Variants in CAB39 observed in about 807,000 individuals in gnomAD.
CAB39 encodes calcium-binding protein 39.
Under a neutral mutation model 40.0 loss-of-function variants are expected in CAB39, and 8 were observed. The ratio of observed to expected loss-of-function variants is 0.20; its 90% CI spans 0.12 to 0.36. The LOEUF (loss-of-function observed/expected upper bound fraction) is 0.36. Among genes scored for constraint, CAB39 ranks in the 10% least tolerant of loss-of-function variants. CAB39 has a pLI of 1.00. For synonymous variants in CAB39, 156 were observed against 141.6 expected, an observed-to-expected ratio of 1.10 and a Z score of -0.72; for missense variants, 270 against 401.1, an observed-to-expected ratio of 0.67 and a Z score of 2.79.
intron 6 of CAB39, among the ~76,000 whole-genome samples, chr2:230,810,957 G>A (rs982178602): frequency 6.6e-6 from 1 of 152,108 alleles, no homozygotes; most frequent in Non-Finnish European, 1.5e-5. Context: ...CCCTAGACCC[G>A]CACAACTGCC....
At chr2:230,798,996 C>G in intron 5 of CAB39, 99 bp downstream of exon 5, 1 of 815,320 alleles carries the variant, frequency 1.2e-6, no homozygotes, top group East Asian at 2.8e-5. Flanking sequence ...TGGCTGCCCT[C>G]TAGTGGGAAG....
chr2:230,779,642 A>G (rs1482878233), intron 2 of CAB39, among the ~76,000 whole-genome samples: 1 of 152,244 alleles, frequency 6.6e-6, no homozygotes, highest in South Asian at 2.1e-4. Context: ...CTTCCCAGAC[A>G]ATTCAGTCAG....
chr2:230,792,438 A>T (rs1695908226), intron 3 of CAB39, among the ~76,000 whole-genome samples: 1 of 152,196 alleles, frequency 6.6e-6, no homozygotes, highest in South Asian at 2.1e-4. Flanking sequence ...TGGTTTAGGT[A>T]TACCCTGGAA....
At chr2:230,755,847 A>G (rs1695179134) in intron 1 of CAB39, among the ~76,000 whole-genome samples, 1 of 152,206 alleles carries the variant, frequency 6.6e-6, no homozygotes, top group African/African-American at 2.4e-5. Context: ...GTGGATTGTT[A>G]TGGTGAAATA....
intron 8 of CAB39, among the ~76,000 whole-genome samples, 154 bp from the exon 9 acceptor site, chr2:230,818,362 G>A (rs1217071048): frequency 6.6e-6 from 1 of 151,934 alleles, no homozygotes; most frequent in South Asian, 2.1e-4. Flanking sequence ...TTTCCAAATT[G>A]TAAAATAACG....
intron 2 of CAB39, among the ~76,000 whole-genome samples, chr2:230,768,447 T>A (rs1695427667): frequency 6.6e-6 from 1 of 152,208 alleles, no homozygotes; most frequent in Non-Finnish European, 1.5e-5. Flanking sequence ...TTTTCCCTAT[T>A]AGATAAATAA....
At chr2:230,756,316 T>G (rs1466384803) in intron 1 of CAB39, among the ~76,000 whole-genome samples, 2 of 152,246 alleles carry the variant, frequency 1.3e-5, no homozygotes, top group Non-Finnish European at 1.5e-5. Context: ...CTGTACAGCA[T>G]GTTACTGTGT....
chr2:230,756,192 A>G (rs953036917), intron 1 of CAB39, among the ~76,000 whole-genome samples: 2 of 152,240 alleles, frequency 1.3e-5, no homozygotes, highest in African/African-American at 4.8e-5. Flanking sequence ...TGCATCAGGC[A>G]GTTTTGTCAT....
At chr2:230,794,593 T>G (rs1305454495) in intron 4 of CAB39, among the ~76,000 whole-genome samples, 1 of 152,138 alleles carries the variant, frequency 6.6e-6, no homozygotes, top group Non-Finnish European at 1.5e-5. Context: ...TGAGATACAA[T>G]TTACAGTTTA....
Position 230,818,908 on chromosome 2 carries a change from C to G in CAB39, c.*204C>G. On this transcript the variant is annotated 3_prime_UTR_variant, in exon 9 of 9. Transcript: ENST00000258418. Reference sequence around the variant, plus strand: ...ACACTAGGGCACATGTGGGCTTTCTCTTGATCTTTGTGTCATTTCAGAATT... The same window carrying G: ...ACACTAGGGCACATGTGGGCTTTCTGTTGATCTTTGTGTCATTTCAGAATT... 4.0e-6 allele frequency: 2 copies of G among 495,480 alleles called. No homozygotes were observed. Among genetic ancestry groups the G allele is most frequent in the Non-Finnish European group, 7.3e-6 (2 of 274,208 alleles). The allele number at this position is 495,480 out of a possible 1,614,324, so 30.7% of individuals were successfully genotyped here.
At chr2:230,761,490 T>C (rs1004292203) in intron 2 of CAB39, among the ~76,000 whole-genome samples, 3 of 152,140 alleles carry the variant, frequency 2.0e-5, no homozygotes, top group Non-Finnish European at 4.4e-5. Flanking sequence ...GTTGTATCAC[T>C]TGTATCTGTT....
chr2:230,807,241 T>G (rs975192104), intron 5 of CAB39, among the ~76,000 whole-genome samples: 11 of 152,066 alleles, frequency 7.2e-5, no homozygotes, highest in Non-Finnish European at 1.3e-4. Flanking sequence ...CACCCCAGTT[T>G]GAGCTGTCCG....
In CAB39 at chr2:230,818,517, T is replaced by C. The variant is rs1482315701; in HGVS notation, c.839T>C (p.Val280Ala). 1.2e-6 allele frequency: 2 copies of C among 1,613,300 alleles called. No individual in the cohort carries two copies. The highest frequency in any genetic ancestry group is 1.3e-5 in the African/African-American group (1 of 74,904). Residue 280 changes from valine (V) to alanine (A), a missense_variant and splice_region_variant, in exon 9 of 9, where the codon GTG (valine) becomes GCG (alanine). Coordinates refer to ENST00000258418, the MANE Select transcript of CAB39 (RefSeq NM_016289.4). ...IQFEAFHVFKVFVANPNKTQP... is the reference protein window; with the variant it reads ...IQFEAFHVFKAFVANPNKTQP... ...TCATGTGCGTTTCTCTCCACGCAGG[T>C]GTTTGTAGCCAATCCTAACAAGACG...
At chr2:230,727,363 C>CGTGTGTGTGTGTGTGTGTGTGTGT (rs10542723) in intron 1 of CAB39, among the ~76,000 whole-genome samples, 4 of 126,948 alleles carry the variant, frequency 3.2e-5, no homozygotes, top group African/African-American at 9.6e-5. Context: ...GATTGTTAAC[C>CGTGTGTGTGTGTGTGTGTGTGTGT]GTGTGTGTGT....
At chr2:230,713,623 C>T (rs914618174) in intron 1 of CAB39, 1 of 152,318 alleles carries the variant, frequency 6.6e-6, no homozygotes, top group Non-Finnish European at 1.5e-5. Context: ...TCGCTCCCGC[C>T]CCTGGTAAAC....
At chr2:230,751,094 T>C (rs371246193) in intron 1 of CAB39, among the ~76,000 whole-genome samples, 211 of 152,376 alleles carry the variant, frequency 1.4e-3, no homozygotes, top group African/African-American at 4.9e-3. Context: ...CTAAAAAGAA[T>C]GTGTTCATGC....
At chr2:230,781,094 T>A (rs1257020558) in intron 2 of CAB39, among the ~76,000 whole-genome samples, 1 of 148,888 alleles carries the variant, frequency 6.7e-6, no homozygotes, top group Admixed American at 6.6e-5. Context: ...AAAAAAAAAA[T>A]TATCTCGGGG....
intron 2 of CAB39, among the ~76,000 whole-genome samples, chr2:230,772,056 TA>T (rs1211925474): frequency 3.3e-5 from 5 of 152,002 alleles, no homozygotes; most frequent in Admixed American, 6.6e-5. Flanking sequence ...CAATTCATTT[TA>T]AAAAAAATGA....
chr2:230,774,535 G>T (rs1464846794), intron 2 of CAB39, among the ~76,000 whole-genome samples: 1 of 152,190 alleles, frequency 6.6e-6, no homozygotes, highest in Non-Finnish European at 1.5e-5. Context: ...TGTATGTGGG[G>T]ACTATTTACG....
Sources: gnomAD v4.1 joint callset for allele counts (sites outside exome capture counted in the v4.1 genomes callset) on GRCh38, gnomAD v4.1.1 for gene constraint, MANE v1.5 for transcripts, NCBI Gene and HGNC (gene_info 2026-07-23, HGNC 2026-07-21) for gene names.